Variants in BRINP2 observed in about 807,000 individuals in gnomAD.
The protein encoded by BRINP2 is BMP/retinoic acid inducible neural specific 2.
A neutral mutation model predicts 69.2 loss-of-function variants in BRINP2; 21 were observed. That is an observed-to-expected ratio of 0.30 (90% CI 0.22 to 0.44). The LOEUF is 0.44. Ranked by LOEUF, BRINP2 falls within the 20% of genes least tolerant of loss-of-function variation. The probability of loss-of-function intolerance (pLI) is 1.00; values close to 1 mark genes in which losing one functional copy is unlikely to be tolerated. For synonymous variants in BRINP2, 380 were observed against 394.1 expected, an observed-to-expected ratio of 0.96 and a Z score of 0.42; for missense variants, 877 against 986.0, an observed-to-expected ratio of 0.89 and a Z score of 1.48.
At chr1:177,256,868 G>A (rs1650779024) in intron 3 of BRINP2, 3 of 1,200,794 alleles carry the variant, frequency 2.5e-6, no homozygotes, top group Admixed American at 7.1e-5. Context: ...CAACTTGAGA[G>A]AGAGAATTGT....
intron 1 of BRINP2, among the ~76,000 whole-genome samples, chr1:177,202,015 T>A (rs12070106): frequency 0.11 from 17,148 of 152,212 alleles, 1,872 homozygotes; most frequent in African/African-American, 0.28. Flanking sequence ...TCTCTGATGG[T>A]AGTTTGTATT....
At chr1:177,275,578 G>A (rs1651464128) in intron 5 of BRINP2, among the ~76,000 whole-genome samples, 1 of 152,158 alleles carries the variant, frequency 6.6e-6, no homozygotes, top group Non-Finnish European at 1.5e-5. Flanking sequence ...ACCTCAATAT[G>A]AGCACAAATG....
chr1:177,226,675 C>T (rs1450844863), intron 1 of BRINP2, among the ~76,000 whole-genome samples: 1 of 152,216 alleles, frequency 6.6e-6, no homozygotes, highest in African/African-American at 2.4e-5. Flanking sequence ...TGTCACCAGA[C>T]TGAAATCCAG....
intron 4 of BRINP2, among the ~76,000 whole-genome samples, chr1:177,260,992 T>C (rs2102350258): frequency 6.6e-6 from 1 of 151,216 alleles, no homozygotes; most frequent in East Asian, 2.0e-4. Context: ...TAAAGGGTGA[T>C]GGGGATGTGG....
intron 1 of BRINP2, among the ~76,000 whole-genome samples, chr1:177,224,199 T>C (rs1027188813): frequency 6.6e-6 from 1 of 152,106 alleles, no homozygotes; most frequent in East Asian, 1.9e-4. Flanking sequence ...ATTTTTTTTT[T>C]AACAACTGAC....
chr1:177,262,443 C>T (rs896661200), intron 4 of BRINP2, among the ~76,000 whole-genome samples: 5 of 149,860 alleles, frequency 3.3e-5, no homozygotes, highest in Non-Finnish European at 7.4e-5. Context: ...ACCCGGGAGA[C>T]GGAGGTTGCA....
chr1:177,240,317 G>GCGAA (rs915814716), intron 2 of BRINP2, among the ~76,000 whole-genome samples: 1 of 152,178 alleles, frequency 6.6e-6, no homozygotes, highest in Non-Finnish European at 1.5e-5. Context: ...TCATAAGCCA[G>GCGAA]CCTCTTGCTT....
intron 2 of BRINP2, among the ~76,000 whole-genome samples, chr1:177,240,539 G>C (rs1650166935): frequency 6.6e-6 from 1 of 152,162 alleles, no homozygotes; most frequent in African/African-American, 2.4e-5. Context: ...GAGGAGTCGA[G>C]AGGAAAAGAG....
chr1:177,211,748 G>C (rs1571900975), intron 1 of BRINP2, among the ~76,000 whole-genome samples: 2 of 152,186 alleles, frequency 1.3e-5, no homozygotes, highest in Middle Eastern at 6.8e-3. Context: ...TGAGTAAGAT[G>C]GTAGCTGTCA....
intron 1 of BRINP2, among the ~76,000 whole-genome samples, chr1:177,199,390 A>G (rs911781978): frequency 2.6e-5 from 4 of 152,210 alleles, no homozygotes; most frequent in African/African-American, 9.6e-5. Context: ...ACATTTGGTC[A>G]TCAGTTCCTT....
chr1:177,281,093 T>C lies in BRINP2; in HGVS notation c.1917T>C (p.Phe639=). Residue 639 remains phenylalanine (F), a synonymous_variant, in exon 8 of 8, where the codon TTT becomes TTC. Coordinates refer to ENST00000361539, the MANE Select transcript of BRINP2 (RefSeq NM_021165.4). ...TGGGGAATAGGTGGAAGACTTTCTT[T>C]GAGACAGTTCATGTTTACCTACGGA... ...ITLGNRWKTF[F]ETVHVYLRSR... is the part of the protein sequence containing the mutation. 1 of 1,614,236 alleles carries C rather than the reference T, an allele frequency of 6.2e-7. No homozygotes were observed. The highest frequency in any genetic ancestry group is 1.1e-5 in the South Asian group (1 of 91,082).
chr1:177,213,151 A>G (rs1649277914), intron 1 of BRINP2, among the ~76,000 whole-genome samples: 1 of 152,184 alleles, frequency 6.6e-6, no homozygotes, highest in Admixed American at 6.5e-5. Context: ...AAACTTCTCT[A>G]AAGAGTTGGT....
chr1:177,256,970 A>G (rs1040673117), intron 3 of BRINP2: 40 of 1,460,898 alleles, frequency 2.7e-5, no homozygotes, highest in Non-Finnish European at 3.5e-5. Flanking sequence ...GCTTTGGAAG[A>G]GGGCCTTTCA....
At chr1:177,267,796 G>A (rs1651174772) in intron 4 of BRINP2, among the ~76,000 whole-genome samples, 1 of 152,158 alleles carries the variant, frequency 6.6e-6, no homozygotes, top group Non-Finnish European at 1.5e-5. Context: ...ATTTTTTATA[G>A]TGCCTATTAA....
chr1:177,201,521 A>G (rs1392913997), intron 1 of BRINP2, among the ~76,000 whole-genome samples: 2 of 152,244 alleles, frequency 1.3e-5, no homozygotes, highest in African/African-American at 2.4e-5. Context: ...TTGCTTAGAT[A>G]TAGTTAGTTA....
At chr1:177,243,278 C>T (rs1329730976) in intron 2 of BRINP2, among the ~76,000 whole-genome samples, 1 of 152,186 alleles carries the variant, frequency 6.6e-6, no homozygotes, top group Admixed American at 6.5e-5. Context: ...CACTTATAGT[C>T]TACATACTGC....
intron 1 of BRINP2, among the ~76,000 whole-genome samples, chr1:177,194,726 A>C (rs553453608): frequency 2.0e-5 from 3 of 151,508 alleles, no homozygotes; most frequent in South Asian, 4.2e-4. Context: ...ACACATTTGC[A>C]TATGGATAGA....
At chr1:177,270,159 C>T (rs1438993141) in intron 4 of BRINP2, among the ~76,000 whole-genome samples, 1 of 151,988 alleles carries the variant, frequency 6.6e-6, no homozygotes, top group Non-Finnish European at 1.5e-5. Context: ...CCCTCTCCAG[C>T]TCCCTCTATT....
intron 2 of BRINP2, among the ~76,000 whole-genome samples, chr1:177,248,461 G>GTGTGTGTGCGTGCA (rs1558176082): frequency 6.7e-6 from 1 of 149,866 alleles, no homozygotes; most frequent in Non-Finnish European, 1.5e-5. Context: ...GTGTGCGTGC[G>GTGTGTGTGCGTGCA]TGTGTGTGTG....
Sources: allele counts gnomAD v4.1 joint callset (sites outside exome capture counted in the v4.1 genomes callset), GRCh38; gene constraint gnomAD v4.1.1; transcripts MANE v1.5; gene names NCBI Gene and HGNC (gene_info 2026-07-23, HGNC 2026-07-21).